PACRG: variants seen among roughly 807,000 people sequenced by gnomAD.
The protein encoded by PACRG is parkin coregulated gene protein.
In PACRG, 29 loss-of-function variants were observed where a neutral mutation model predicts 29.7. The observed-to-expected ratio is 0.98, with a 90% confidence interval of 0.73 to 1.33. The LOEUF (loss-of-function observed/expected upper bound fraction) is 1.33, where lower values mean the gene tolerates loss of function less well. PACRG is among the 40% of genes most tolerant of loss of function. The probability of loss-of-function intolerance (pLI) is 0.00; values close to 1 mark genes in which losing one functional copy is unlikely to be tolerated. For missense variants in PACRG, 279 were observed against 316.2 expected (o/e 0.88, Z 0.89); for synonymous variants, 116 against 118.7 (o/e 0.98, Z 0.15).
chr6:163,013,449 G>A (rs769783620), intron 2 of PACRG, among the ~76,000 whole-genome samples: 2 of 150,612 alleles, frequency 1.3e-5, no homozygotes, highest in African/African-American at 4.8e-5. Context: ...TTACCTGTAC[G>A]CCTGATGAAC....
At chr6:162,761,956 A>ACC (rs373736447) in intron 1 of PACRG, among the ~76,000 whole-genome samples, 1,253 of 109,142 alleles carry the variant, frequency 0.011, 13 homozygotes, top group Non-Finnish European at 0.015. Flanking sequence ...AAAAAAAGAA[A>ACC]CCCCCCCCCA....
chr6:162,929,136 A>G (rs1797664663), intron 2 of PACRG, among the ~76,000 whole-genome samples: 1 of 152,068 alleles, frequency 6.6e-6, no homozygotes, highest in African/African-American at 2.4e-5. Flanking sequence ...AATACCCAGC[A>G]GAGGAATTGC....
chr6:162,862,962 C>T (rs113741413), intron 2 of PACRG, among the ~76,000 whole-genome samples: 4 of 152,310 alleles, frequency 2.6e-5, no homozygotes, highest in African/African-American at 9.6e-5. Context: ...CTCAGCAGGT[C>T]AGTGATTAAC....
chr6:163,140,406 T>G (rs1817105790), intron 4 of PACRG, among the ~76,000 whole-genome samples: 2 of 152,142 alleles, frequency 1.3e-5, no homozygotes, highest in Non-Finnish European at 2.9e-5. Flanking sequence ...AGGCCAGGCC[T>G]GCTGCTCAGA....
At chr6:163,196,079 C>T (rs1055885472) in intron 4 of PACRG, among the ~76,000 whole-genome samples, 2 of 152,230 alleles carry the variant, frequency 1.3e-5, no homozygotes, top group Non-Finnish European at 2.9e-5. Flanking sequence ...TCCTCCAGCT[C>T]ATCTCCTGCC....
intron 2 of PACRG, among the ~76,000 whole-genome samples, chr6:162,933,839 A>T (rs1798043194): frequency 6.6e-6 from 1 of 152,158 alleles, no homozygotes; most frequent in Non-Finnish European, 1.5e-5. Flanking sequence ...GCCTCAGGCT[A>T]CTTTCATCAT....
At chr6:163,165,261 G>C (rs1354572604) in intron 4 of PACRG, among the ~76,000 whole-genome samples, 1 of 152,244 alleles carries the variant, frequency 6.6e-6, no homozygotes, top group Non-Finnish European at 1.5e-5. Context: ...GCATAGCAGA[G>C]GCACCAAACA....
intron 4 of PACRG, among the ~76,000 whole-genome samples, chr6:163,164,816 G>C (rs1324192818): frequency 1.3e-5 from 2 of 152,186 alleles, no homozygotes; most frequent in African/African-American, 4.8e-5. Context: ...TAGCTGAGTG[G>C]CCTTAGGCAA....
intron 4 of PACRG, among the ~76,000 whole-genome samples, chr6:163,247,170 A>G (rs545157488): frequency 6.6e-6 from 1 of 152,338 alleles, no homozygotes; most frequent in South Asian, 2.1e-4. Flanking sequence ...CTAATAACAT[A>G]ACCAGCATTT....
chr6:163,067,783 C>G (rs1384570315), intron 3 of PACRG, among the ~76,000 whole-genome samples: 1 of 152,204 alleles, frequency 6.6e-6, no homozygotes, highest in Non-Finnish European at 1.5e-5. Context: ...ACAAACATAC[C>G]TTCTTCCCCA....
At chr6:162,758,401 T>C (rs576369287) in intron 1 of PACRG, among the ~76,000 whole-genome samples, 1 of 152,212 alleles carries the variant, frequency 6.6e-6, no homozygotes, top group African/African-American at 2.4e-5. Context: ...TTCTTTTTTC[T>C]TGACTATAGC....
At chr6:163,143,483 C>T (rs909917074) in intron 4 of PACRG, among the ~76,000 whole-genome samples, 8 of 152,182 alleles carry the variant, frequency 5.3e-5, no homozygotes, top group Non-Finnish European at 1.0e-4. Context: ...CATCAGAAGT[C>T]GGCTTGTTGC....
chr6:163,047,371 C>A (rs934130535), intron 2 of PACRG, among the ~76,000 whole-genome samples: 52 of 152,210 alleles, frequency 3.4e-4, no homozygotes, highest in African/African-American at 1.2e-3. Flanking sequence ...TTTTTATCTC[C>A]CTATGGTTAA....
intron 2 of PACRG, among the ~76,000 whole-genome samples, chr6:163,057,869 G>A (rs1180706257): frequency 1.3e-5 from 2 of 152,128 alleles, no homozygotes; most frequent in African/African-American, 2.4e-5. Context: ...ATTTAGACAA[G>A]GTACTAGGCC....
At chr6:163,227,260 G>A (rs965155871) in intron 4 of PACRG, among the ~76,000 whole-genome samples, 2 of 152,108 alleles carry the variant, frequency 1.3e-5, no homozygotes, top group African/African-American at 4.8e-5. Context: ...ATCACAAGAT[G>A]AAAGCAGGAA....
At chr6:162,790,693 T>C (rs1784862260) in intron 1 of PACRG, among the ~76,000 whole-genome samples, 1 of 152,180 alleles carries the variant, frequency 6.6e-6, no homozygotes. Flanking sequence ...AAATTTATTA[T>C]ATAATCCTAA....
intron 1 of PACRG, among the ~76,000 whole-genome samples, chr6:162,763,245 G>A (rs921455461): frequency 6.6e-6 from 1 of 152,158 alleles, no homozygotes; most frequent in Non-Finnish European, 1.5e-5. Context: ...GACCTGAGAT[G>A]TTTCCTCAGG....
intron 1 of PACRG, among the ~76,000 whole-genome samples, chr6:162,737,512 T>C (rs1015890519): frequency 2.9e-4 from 44 of 152,320 alleles, no homozygotes; most frequent in Non-Finnish European, 3.8e-4. Flanking sequence ...CATTGCTTTG[T>C]GTGTTCTTTT....
chr6:163,002,546 T>C (rs1048020167), intron 2 of PACRG, among the ~76,000 whole-genome samples: 1 of 152,226 alleles, frequency 6.6e-6, no homozygotes, highest in Non-Finnish European at 1.5e-5. Flanking sequence ...TATCTTGGCA[T>C]TGCCCACAGT....
Sources: gnomAD v4.1 joint callset for allele counts (sites outside exome capture counted in the v4.1 genomes callset) on GRCh38, gnomAD v4.1.1 for gene constraint, MANE v1.5 for transcripts, NCBI Gene and HGNC (gene_info 2026-07-23, HGNC 2026-07-21) for gene names.